The following SGCZ variants were observed in gnomAD, a reference collection of about 807,000 sequenced individuals.
SGCZ encodes the protein sarcoglycan zeta.
SGCZ carries 40 observed loss-of-function variants against 41.3 expected under a neutral mutation model. That is an observed-to-expected ratio of 0.97 (90% CI 0.75 to 1.26). The LOEUF (loss-of-function observed/expected upper bound fraction) is 1.26, where lower values mean the gene tolerates loss of function less well. Ranked by LOEUF, SGCZ falls within the 50% of genes most tolerant of loss-of-function variation. SGCZ has a pLI of 0.00. For missense variants in SGCZ, 552 were observed against 369.8 expected (o/e 1.49, Z -4.04); for synonymous variants, 206 against 137.5 (o/e 1.50, Z -3.49).
At chr8:14,979,517 C>T (rs752604780) in intron 1 of SGCZ, among the ~76,000 whole-genome samples, 17 of 152,142 alleles carry the variant, frequency 1.1e-4, no homozygotes, top group Non-Finnish European at 2.2e-4. Context: ...TACAGTTGTT[C>T]AGTGTTGCTT....
At chr8:14,746,039 G>T (rs1031191513) in intron 1 of SGCZ, among the ~76,000 whole-genome samples, 5 of 151,784 alleles carry the variant, frequency 3.3e-5, no homozygotes, top group African/African-American at 1.2e-4. Flanking sequence ...AAATTATACA[G>T]TAAAAGATTA....
chr8:14,226,401 C>T (rs1308313549), intron 4 of SGCZ, among the ~76,000 whole-genome samples: 1 of 152,046 alleles, frequency 6.6e-6, no homozygotes, highest in Non-Finnish European at 1.5e-5. Flanking sequence ...AAACCCTCCC[C>T]CATACCATCC....
At chr8:15,032,479 C>A (rs1252589333) in intron 1 of SGCZ, among the ~76,000 whole-genome samples, 1 of 152,082 alleles carries the variant, frequency 6.6e-6, no homozygotes, top group Admixed American at 6.5e-5. Flanking sequence ...TAGTAAAATG[C>A]AGTGCCACCC....
chr8:14,848,767 T>C (rs1338128620), intron 1 of SGCZ, among the ~76,000 whole-genome samples: 3 of 152,128 alleles, frequency 2.0e-5, no homozygotes, highest in Non-Finnish European at 4.4e-5. Context: ...TAAAACTTCG[T>C]CACAATGGAT....
intron 1 of SGCZ, chr8:14,879,189 A>T (rs1804483777): frequency 6.6e-6 from 1 of 152,080 alleles, no homozygotes; most frequent in Non-Finnish European, 1.5e-5. Flanking sequence ...TTAGCTGGCC[A>T]TGGTGGCACA....
At chr8:14,834,459 G>C (rs1213903171) in intron 1 of SGCZ, among the ~76,000 whole-genome samples, 2 of 152,098 alleles carry the variant, frequency 1.3e-5, no homozygotes, top group Admixed American at 6.5e-5. Context: ...GACTGAATGA[G>C]GTCCCTCCTT....
chr8:14,671,405 T>A (rs1808097667), intron 1 of SGCZ, among the ~76,000 whole-genome samples: 1 of 152,176 alleles, frequency 6.6e-6, no homozygotes. Flanking sequence ...TTAATTTTTA[T>A]CCAAGAAAAG....
intron 2 of SGCZ, among the ~76,000 whole-genome samples, chr8:14,389,850 A>C (rs1804703242): frequency 6.6e-6 from 1 of 152,004 alleles, no homozygotes; most frequent in African/African-American, 2.4e-5. Flanking sequence ...GTTTTCTCAA[A>C]ATTGATCTGC....
intron 1 of SGCZ, among the ~76,000 whole-genome samples, chr8:15,154,788 C>T (rs1251300799): frequency 1.3e-5 from 2 of 152,132 alleles, no homozygotes. Flanking sequence ...CTCTGATGCC[C>T]ATTGTTTATA....
intron 5 of SGCZ, among the ~76,000 whole-genome samples, chr8:14,130,654 A>C (rs979742549): frequency 1.3e-5 from 2 of 152,318 alleles, no homozygotes; most frequent in East Asian, 3.9e-4. Flanking sequence ...TTTTAATAAA[A>C]AGCAGCCACT....
At chr8:14,528,729 C>T (rs144056803) in intron 2 of SGCZ, among the ~76,000 whole-genome samples, 79 of 151,260 alleles carry the variant, frequency 5.2e-4, no homozygotes, top group African/African-American at 1.7e-3. Context: ...CTGCCCTGGC[C>T]CAATTTCTAT....
chr8:14,273,985 T>A (rs996218394), intron 3 of SGCZ, among the ~76,000 whole-genome samples: 21 of 152,182 alleles, frequency 1.4e-4, no homozygotes, highest in African/African-American at 4.3e-4. Context: ...AGACAAATGG[T>A]CTCCTTCCCT....
At chr8:14,187,008 C>T (rs1172271370) in intron 4 of SGCZ, among the ~76,000 whole-genome samples, 4 of 152,156 alleles carry the variant, frequency 2.6e-5, no homozygotes, top group Non-Finnish European at 4.4e-5. Context: ...TTGATAAACT[C>T]TACCAATTGC....
intron 3 of SGCZ, among the ~76,000 whole-genome samples, chr8:14,258,592 A>G (rs955911492): frequency 3.3e-5 from 5 of 152,212 alleles, no homozygotes; most frequent in African/African-American, 7.2e-5. Context: ...AAGTAAAATT[A>G]TATTGAAAAT....
chr8:14,992,503 T>C (rs1802051002), intron 1 of SGCZ, among the ~76,000 whole-genome samples: 1 of 147,638 alleles, frequency 6.8e-6, no homozygotes, highest in East Asian at 2.1e-4. Context: ...GTGTTACCCT[T>C]GCTATTTACC....
intron 1 of SGCZ, among the ~76,000 whole-genome samples, chr8:15,067,416 A>G (rs1457906679): frequency 6.6e-6 from 1 of 152,190 alleles, no homozygotes; most frequent in Non-Finnish European, 1.5e-5. Flanking sequence ...CGTAAATCTT[A>G]TTATCCCTAC....
chr8:15,154,368 A>C (rs1272549603), intron 1 of SGCZ, among the ~76,000 whole-genome samples: 1 of 152,150 alleles, frequency 6.6e-6, no homozygotes, highest in Admixed American at 6.5e-5. Flanking sequence ...AAATGGGACC[A>C]CCCAGCTTTT....
At chr8:14,115,335 T>C (rs964011352) in intron 5 of SGCZ, among the ~76,000 whole-genome samples, 3 of 151,986 alleles carry the variant, frequency 2.0e-5, no homozygotes, top group Non-Finnish European at 4.4e-5. Flanking sequence ...TTTGATTCAA[T>C]TTACAGCTTC....
intron 3 of SGCZ, among the ~76,000 whole-genome samples, chr8:14,244,632 A>G (rs1257021135): frequency 6.6e-6 from 1 of 151,608 alleles, no homozygotes; most frequent in Non-Finnish European, 1.5e-5. Context: ...CTGTGCAGAA[A>G]GGCATTGGTA....
Sources: allele counts gnomAD v4.1 joint callset (sites outside exome capture counted in the v4.1 genomes callset), GRCh38; gene constraint gnomAD v4.1.1; transcripts MANE v1.5; gene names NCBI Gene and HGNC (gene_info 2026-07-23, HGNC 2026-07-21).